The following ZSCAN26 variants were observed in gnomAD, a reference collection of about 807,000 sequenced individuals.
ZSCAN26 encodes the protein zinc finger and SCAN domain-containing protein 26.
ZSCAN26 carries 26 observed loss-of-function variants against 23.0 expected under a neutral mutation model. The observed-to-expected ratio is 1.13, with a 90% CI of 0.83 to 1.57. The LOEUF is 1.57. ZSCAN26 is among the 40% of genes most tolerant of loss of function. The pLI is 0.00. For missense variants in ZSCAN26, 528 were observed against 568.5 expected, an observed-to-expected ratio of 0.93 and a Z score of 0.72; for synonymous variants, 180 against 202.5, an observed-to-expected ratio of 0.89 and a Z score of 0.94.
chr6:28,272,773 C>T lies in ZSCAN26; in HGVS notation c.524C>T (p.Pro175Leu), dbSNP rs1393444678. The T allele has an allele frequency of 1.9e-6, 3 of 1,613,002 alleles. No homozygotes were observed. The highest frequency in any genetic ancestry group is 2.5e-6 in the Non-Finnish European group (3 of 1,179,468). ...CGGCATGAGTGTGAAGTTACAAAGC[C>T]TGAGAAAGAGAAGGGTAAGAATTGG... ...QVRHECEVTK[P>L]EKEKGEETRI... Residue 175 changes from proline (P) to leucine (L), a missense_variant, in exon 3 of 4, where the codon CCT (proline) becomes CTT (leucine). Pro to Leu is a moderately conservative substitution (Grantham distance 98). Transcript: ENST00000421553.
intron 2 of ZSCAN26, 114 bp from the exon 3 acceptor site, chr6:28,272,556 C>T (rs890123739): frequency 1.9e-6 from 2 of 1,055,002 alleles, no homozygotes; most frequent in Non-Finnish European, 2.7e-6. Flanking sequence ...CTTTTCTTTG[C>T]CCCTCTGGGG....
intron 1 of ZSCAN26, among the ~76,000 whole-genome samples, chr6:28,269,117 A>G (rs1392929685): frequency 2.3e-5 from 1 of 43,998 alleles, no homozygotes; most frequent in Non-Finnish European, 3.4e-5. Context: ...CATTTCAAAG[A>G]AAAAAAAAAA....
At chr6:28,269,037 C>T (rs1761567306) in intron 1 of ZSCAN26, among the ~76,000 whole-genome samples, 1 of 151,838 alleles carries the variant, frequency 6.6e-6, no homozygotes, top group Admixed American at 6.6e-5. Context: ...CACTTGAACC[C>T]GGGAGGCGGA....
intron 1 of ZSCAN26, 146 bp from the exon 2 acceptor site, chr6:28,271,708 G>T: frequency 1.8e-6 from 1 of 547,454 alleles, no homozygotes; most frequent in Non-Finnish European, 3.2e-6. Context: ...CTGTAAGATA[G>T]TTTTTTCCTT....
intron 1 of ZSCAN26, 39 bp from the exon 2 acceptor site, chr6:28,271,815 C>A: frequency 1.0e-6 from 1 of 999,506 alleles, no homozygotes; most frequent in Non-Finnish European, 1.5e-6. Flanking sequence ...GTTAGCAGTA[C>A]TATTACTGTT....
At chr6:28,270,510 A>C (rs1761637188) in intron 1 of ZSCAN26, among the ~76,000 whole-genome samples, 2 of 152,224 alleles carry the variant, frequency 1.3e-5, no homozygotes, top group South Asian at 4.1e-4. Flanking sequence ...CATTTTTGAC[A>C]TGTTGGATTT....
rs1490404089 is a variant in ZSCAN26 at position 28,272,724 on chromosome 6, A to G, written c.475A>G (p.Lys159Glu). ...KILVEEMAPL[K>E]GVQEQQVRHE... ...ACTTGTGGAGGAGATGGCCCCTCTG[A>G]AAGGAGTACAGGAACAGCAGGTTCG... The change falls in exon 3 of 4, where the codon AAA becomes GAA. Residue 159 changes from lysine (K) to glutamate (E), a missense_variant. Physicochemically the swap from Lys to Glu is moderately conservative, Grantham distance 56. Coordinates refer to ENST00000421553, the MANE Select transcript of ZSCAN26 (RefSeq NM_001023560.4). 2 of 1,613,308 alleles carry G rather than the reference A, an allele frequency of 1.2e-6. No individual in the cohort carries two copies. Among genetic ancestry groups the G allele is most frequent in the South Asian group, 1.1e-5 (1 of 90,838 alleles).
intron 3 of ZSCAN26, among the ~76,000 whole-genome samples, chr6:28,275,983 T>G (rs938870123): frequency 7.2e-5 from 11 of 152,324 alleles, no homozygotes; most frequent in African/African-American, 2.4e-4. Flanking sequence ...ATAAGTCACC[T>G]CCCACCAGAA....
chr6:28,272,240 C>T lies in ZSCAN26; in HGVS notation c.321C>T (p.Leu107=), dbSNP rs771165643. 3.7e-6 allele frequency: 6 copies of T among 1,613,192 alleles called. No homozygotes were observed. Among genetic ancestry groups the T allele is most frequent in the South Asian group, 2.2e-5 (2 of 90,822 alleles). Residue 107 remains leucine (L), a synonymous_variant, in exon 2 of 4, where the codon CTC becomes CTT. Coordinates refer to ENST00000421553, the MANE Select transcript of ZSCAN26 (RefSeq NM_001023560.4). ...TTCTGATCATCCTGCCTAAGGAGCT[C>T]CAGGCCCGGGTGCAGGAGCATCACC... ...EQFLIILPKE[L]QARVQEHHPE...
intron 1 of ZSCAN26, among the ~76,000 whole-genome samples, chr6:28,269,838 A>G (rs1003472702): frequency 1.3e-5 from 2 of 152,230 alleles, no homozygotes; most frequent in Non-Finnish European, 2.9e-5. Context: ...ACACCCTCAC[A>G]GAAACATCCA....
chr6:28,276,643 T>G lies in ZSCAN26; in HGVS notation c.987T>G (p.His329Gln). Residue 329 changes from histidine to glutamine, a missense_variant, in exon 4 of 4, where the codon CAT becomes CAG. Coordinates refer to ENST00000421553, the MANE Select transcript of ZSCAN26 (RefSeq NM_001023560.4). ...VFSQNAGLLE[H>Q]LRIHTGEKPY... Reference sequence around the variant, plus strand: ...GCCAGAATGCAGGCCTTTTGGAACATCTCAGAATTCATACTGGAGAGAAAC... The same window carrying G: ...GCCAGAATGCAGGCCTTTTGGAACAGCTCAGAATTCATACTGGAGAGAAAC... The G allele has an allele frequency of 6.2e-7, 1 of 1,611,632 alleles. No individual in the cohort carries two copies. Among genetic ancestry groups the G allele is most frequent in the Admixed American group, 1.7e-5 (1 of 59,566 alleles).
In ZSCAN26 at chr6:28,278,051, A is replaced by G. The variant is rs1173003751; in HGVS notation, c.*955A>G. 6.6e-6 allele frequency: 1 copy of G among 151,384 alleles called. No homozygotes were observed. Among genetic ancestry groups the G allele is most frequent in the Non-Finnish European group, 1.5e-5 (1 of 68,038 alleles). The allele number at this position is 151,384 out of a possible 1,614,324, so 9.4% of individuals were successfully genotyped here. A position where few individuals can be genotyped will look rare whatever the true frequency, so the allele number is the denominator to read the frequency against. On this transcript the variant is annotated 3_prime_UTR_variant, in exon 4 of 4. Coordinates refer to ENST00000421553, the MANE Select transcript of ZSCAN26 (RefSeq NM_001023560.4). Reference sequence around the variant, plus strand: ...TGATCTTTATACTGTGAATAGCAGAATGTCACAGATGAAGAATATTAAAAT... The same window carrying G: ...TGATCTTTATACTGTGAATAGCAGAGTGTCACAGATGAAGAATATTAAAAT...
In ZSCAN26 at chr6:28,276,256, A is replaced by T. The variant is rs1214829914; in HGVS notation, c.600A>T (p.Val200=). ...TAGTAACAGACTCTTGTGGAAGAGT[A>T]GAGTCATCTGGGAAAATATCTGAAC... The part of the protein sequence containing the change: ...LIVVTDSCGR[V]ESSGKISEPM... The change falls in exon 4 of 4, where the codon GTA becomes GTT. Residue 200 remains valine (V), a synonymous_variant. Transcript: ENST00000421553. 1 of 1,613,976 alleles carries T rather than the reference A, an allele frequency of 6.2e-7. No individual in the cohort carries two copies. Among genetic ancestry groups the T allele is most frequent in the Non-Finnish European group, 8.5e-7 (1 of 1,179,866 alleles).
At chr6:28,274,072 A>G (rs879635018) in intron 3 of ZSCAN26, among the ~76,000 whole-genome samples, 1 of 144,546 alleles carries the variant, frequency 6.9e-6, no homozygotes, top group African/African-American at 2.6e-5. Context: ...TGCTCCTTAC[A>G]TTTTTTCATT....
At chr6:28,269,410 G>A (rs570862008) in intron 1 of ZSCAN26, among the ~76,000 whole-genome samples, 1 of 152,180 alleles carries the variant, frequency 6.6e-6, no homozygotes, top group South Asian at 2.1e-4. Flanking sequence ...GTAAAGATAG[G>A]TAGAGATCTA....
Position 28,271,724 on chromosome 6 carries a change from TG to T in ZSCAN26, c.-66-129del, listed in dbSNP as rs1434413241. On this transcript the variant is annotated intron_variant, in intron 1 of 3. Transcript: ENST00000421553. The stretch of plus-strand genomic sequence containing the variant: ...TGTAAGATAGTTTTTTCCTTCTGTA[TG>T]TATGTTTAGAAATGGTTGTTTTAGA... The T allele has an allele frequency of 5.3e-6, 3 of 566,772 alleles. No homozygotes were observed. In the African/African-American group the frequency reaches 5.6e-5, roughly 11 times the overall value. 35.1% of individuals were successfully genotyped at this position (566,772 alleles called of 1,614,324 possible).
intron 1 of ZSCAN26, among the ~76,000 whole-genome samples, chr6:28,268,100 T>C (rs1761518425): frequency 6.6e-6 from 1 of 152,178 alleles, no homozygotes; most frequent in Admixed American, 6.5e-5. Context: ...TGGTACCTCG[T>C]GTAAGTTCTT....
rs1208921811 is a variant in ZSCAN26, at chr6:28,277,238, C to T, written c.*142C>T. Reference sequence around the variant, plus strand: ...AGGCTCCCTGCCTCTATTCTCTCTCCTTTGCTTTCCTTGAAGTCAGCTTTG... The same window carrying T: ...AGGCTCCCTGCCTCTATTCTCTCTCTTTTGCTTTCCTTGAAGTCAGCTTTG... On this transcript the variant is annotated 3_prime_UTR_variant, in exon 4 of 4. Coordinates refer to ENST00000421553, the MANE Select transcript of ZSCAN26 (RefSeq NM_001023560.4). The T allele has an allele frequency of 5.2e-6, 4 of 774,520 alleles. No homozygotes were observed. In the South Asian group the frequency reaches 5.5e-5, roughly 11 times the overall value. The allele number at this position is 774,520 out of a possible 1,614,324, so 48.0% of individuals were successfully genotyped here.
In ZSCAN26 at chr6:28,277,941, A is replaced by C. The variant is rs1185770418; in HGVS notation, c.*845A>C. 6.6e-6 allele frequency: 1 copy of C among 152,206 alleles called. No individual in the cohort carries two copies. The highest frequency in any genetic ancestry group is 1.5e-5 in the Non-Finnish European group (1 of 68,034). 9.4% of individuals were successfully genotyped at this position (152,206 alleles called of 1,614,324 possible). A position where few individuals can be genotyped will look rare whatever the true frequency, so the allele number is the denominator to read the frequency against. Reference sequence around the variant, plus strand: ...GAAAGAAATTGGACTTTTTCCCTTTAATACTGATGATGCAATTTTGAAATG... The same window carrying C: ...GAAAGAAATTGGACTTTTTCCCTTTCATACTGATGATGCAATTTTGAAATG... On this transcript the variant is annotated 3_prime_UTR_variant, in exon 4 of 4. Coordinates refer to ENST00000421553, the MANE Select transcript of ZSCAN26 (RefSeq NM_001023560.4).
Sources: gnomAD v4.1 joint callset for allele counts (sites outside exome capture counted in the v4.1 genomes callset) on GRCh38, gnomAD v4.1.1 for gene constraint, MANE v1.5 for transcripts, NCBI Gene and HGNC (gene_info 2026-07-23, HGNC 2026-07-21) for gene names.